Variants in HDAC4 observed in about 807,000 individuals in gnomAD.
HDAC4 encodes the protein histone deacetylase A.
Under a neutral mutation model 135.1 loss-of-function variants are expected in HDAC4, and 16 were observed. That is an observed-to-expected ratio of 0.12 (90% CI 0.08 to 0.18). HDAC4 has a LOEUF of 0.18. Among genes scored for constraint, HDAC4 ranks in the 10% least tolerant of loss-of-function variants. HDAC4 has a pLI of 1.00. For missense variants in HDAC4, 1,143 were observed against 1,511.8 expected, an observed-to-expected ratio of 0.76 and a Z score of 4.05; for synonymous variants, 685 against 653.4, an observed-to-expected ratio of 1.05 and a Z score of -0.74.
At chr2:239,247,481 C>A (rs2048534166) in intron 2 of HDAC4, among the ~76,000 whole-genome samples, 1 of 152,226 alleles carries the variant, frequency 6.6e-6, no homozygotes, top group African/African-American at 2.4e-5. Context: ...ACTCCCTTTG[C>A]TCCTCCCGCT....
chr2:239,188,181 C>T (rs1385428877), intron 4 of HDAC4, among the ~76,000 whole-genome samples: 1 of 152,218 alleles, frequency 6.6e-6, no homozygotes, highest in African/African-American at 2.4e-5. Context: ...TGGTTTGGCA[C>T]CCATGAGAGG....
rs755538495 is a variant in HDAC4 at position 239,374,386 on chromosome 2, C to CTTTTTTTTTTTTTTT, written c.-219-21483_-219-21469dup. ...CACCCCAGATGAATAGAAAACAAGG[C>CTTTTTTTTTTTTTTT]TTTTTTTTTTTTTTTTTTTTTTTTT... On this transcript the variant is annotated intron_variant, in intron 1 of 26. Transcript: ENST00000543185. Among the ~76,000 whole-genome samples the CTTTTTTTTTTTTTTT allele has an allele frequency of 5.3e-5, 3 of 56,666 alleles. 1 individual carries two copies. The highest frequency in any genetic ancestry group is 1.6e-4 in the African/African-American group (2 of 12,774). The allele number at this position is 56,666 out of a possible 152,430, so 37.2% of individuals were successfully genotyped here.
At chr2:239,120,592 G>A (rs538181060) in intron 12 of HDAC4, among the ~76,000 whole-genome samples, 6 of 142,726 alleles carry the variant, frequency 4.2e-5, no homozygotes, top group African/African-American at 1.5e-4. Context: ...AAGGAGGAAG[G>A]TGGGGGAGGG....
intron 7 of HDAC4, among the ~76,000 whole-genome samples, chr2:239,152,077 A>G (rs926025059): frequency 1.3e-5 from 2 of 152,220 alleles, no homozygotes; most frequent in African/African-American, 4.8e-5. Flanking sequence ...ACGGTGACTA[A>G]TATCTTTAAG....
chr2:239,085,041 GACACAC>G (rs139333488), intron 19 of HDAC4, among the ~76,000 whole-genome samples: 156 of 138,886 alleles, frequency 1.1e-3, no homozygotes, highest in Admixed American at 2.5e-3. Flanking sequence ...GAGACAGACA[GACACAC>G]ACACACACAC....
rs2033542287 is a variant in HDAC4 at position 239,066,733 on chromosome 2, G to T, written c.2992C>A (p.Leu998Met). 2 of 1,614,010 alleles carry T rather than the reference G, an allele frequency of 1.2e-6. No individual in the cohort carries two copies. The highest frequency in any genetic ancestry group is 2.7e-5 in the African/African-American group (2 of 75,070). The stretch of plus-strand genomic sequence containing the variant: ...TGGGGTCTTCCTACCTCGTTTCCCA[G>T]CAAGGCAGAAACACATGCTTCCGAG... ...DASEACVSAL[L>M]GNELDPLPEK... The change falls in exon 24 of 27, where the codon CTG (leucine) becomes ATG (methionine). Residue 998 changes from leucine to methionine, a missense_variant. Transcript: ENST00000543185.
intron 14 of HDAC4, among the ~76,000 whole-genome samples, chr2:239,109,664 T>C (rs536231592): frequency 4.0e-4 from 60 of 150,558 alleles, no homozygotes; most frequent in Non-Finnish European, 8.0e-4. Flanking sequence ...TCAATGAAAC[T>C]AGGACTCACA....
chr2:239,211,847 A>G (rs561739462), intron 3 of HDAC4, among the ~76,000 whole-genome samples: 18 of 152,362 alleles, frequency 1.2e-4, no homozygotes, highest in African/African-American at 3.8e-4. Flanking sequence ...CCCGAAAAAA[A>G]GGACAAAAAC....
chr2:239,261,663 G>T (rs1376492069), intron 2 of HDAC4, among the ~76,000 whole-genome samples: 1 of 152,196 alleles, frequency 6.6e-6, no homozygotes, highest in Non-Finnish European at 1.5e-5. Flanking sequence ...CTGGACAAGG[G>T]GTCTCCCTGC....
At chr2:239,215,407 G>A (rs961565906) in intron 3 of HDAC4, among the ~76,000 whole-genome samples, 2 of 152,100 alleles carry the variant, frequency 1.3e-5, no homozygotes, top group East Asian at 1.9e-4. Context: ...AAGCAGGGTC[G>A]ACGCCCCAGA....
At chr2:239,118,918 ACT>A (rs1358345368) in intron 12 of HDAC4, among the ~76,000 whole-genome samples, 1 of 152,178 alleles carries the variant, frequency 6.6e-6, no homozygotes, top group Non-Finnish European at 1.5e-5. Context: ...CTTCCTGCAC[ACT>A]GAGAGCCTGA....
At chr2:239,296,317 G>A (rs2051889441) in intron 2 of HDAC4, among the ~76,000 whole-genome samples, 1 of 152,258 alleles carries the variant, frequency 6.6e-6, no homozygotes, top group African/African-American at 2.4e-5. Flanking sequence ...CCCAGAAGGA[G>A]GCCAATACCC....
At chr2:239,080,995 A>G in intron 22 of HDAC4, 100 bp downstream of exon 22, 2 of 889,662 alleles carry the variant, frequency 2.2e-6, no homozygotes, top group Middle Eastern at 2.6e-4. Context: ...TCAGCCACAG[A>G]CCAGTTTCAG....
intron 12 of HDAC4, among the ~76,000 whole-genome samples, chr2:239,117,416 G>A (rs2039234374): frequency 6.6e-6 from 1 of 152,170 alleles, no homozygotes; most frequent in Non-Finnish European, 1.5e-5. Context: ...GACTGCATAT[G>A]GAGAGGCAAG....
At chr2:239,195,264 G>GA (rs2045299604) in intron 3 of HDAC4, among the ~76,000 whole-genome samples, 1 of 152,238 alleles carries the variant, frequency 6.6e-6, no homozygotes, top group Non-Finnish European at 1.5e-5. Context: ...GCAGAGCAGA[G>GA]AAAATCAACA....
intron 2 of HDAC4, among the ~76,000 whole-genome samples, chr2:239,274,304 C>CA (rs1409806295): frequency 2.0e-5 from 3 of 152,138 alleles, no homozygotes; most frequent in Non-Finnish European, 4.4e-5. Flanking sequence ...ATTTCAGAGC[C>CA]AGGGGACCTC....
In HDAC4 at chr2:239,084,465, G is replaced by GCA. The variant is rs78087978; in HGVS notation, c.2445-225_2445-224dup. On this transcript the variant is annotated intron_variant, in intron 19 of 26. Transcript: ENST00000543185. ...CAGACACACTCACACGCGTGCGCGC[G>GCA]CACACACACACACACACACACACAG... Among the ~76,000 whole-genome samples the GCA allele has an allele frequency of 0.2, 21,564 of 107,914 alleles. 1,845 individuals are homozygous for GCA. The highest frequency in any genetic ancestry group is 0.27 in the South Asian group (945 of 3,456). 70.8% of individuals were successfully genotyped at this position (107,914 alleles called of 152,430 possible).
intron 15 of HDAC4, among the ~76,000 whole-genome samples, chr2:239,106,751 G>A (rs1306395532): frequency 6.6e-6 from 1 of 152,158 alleles, no homozygotes. Flanking sequence ...GAGGGCAGGC[G>A]AACCTGCAGG....
chr2:239,398,366 G>A (rs1196791170), intron 1 of HDAC4, among the ~76,000 whole-genome samples: 1 of 152,218 alleles, frequency 6.6e-6, no homozygotes, highest in Non-Finnish European at 1.5e-5. Context: ...TAAAGGATTG[G>A]AATTCAAAGC....
Sources: gnomAD v4.1 joint callset for allele counts (sites outside exome capture counted in the v4.1 genomes callset) on GRCh38, gnomAD v4.1.1 for gene constraint, MANE v1.5 for transcripts, NCBI Gene and HGNC (gene_info 2026-07-23, HGNC 2026-07-21) for gene names.